Variants in FBXL13 observed in about 807,000 individuals in gnomAD.
FBXL13 encodes the protein F-box and leucine rich repeat protein 13, also known as F-box and leucine-rich repeat protein 13.
Under a neutral mutation model 83.6 loss-of-function variants are expected in FBXL13, and 67 were observed. The observed-to-expected ratio is 0.80, with a 90% CI of 0.66 to 0.98. The LOEUF is 0.98. Among genes scored for constraint, FBXL13 ranks in the 50% least tolerant of loss-of-function variants. The pLI, the probability that FBXL13 is intolerant of heterozygous loss-of-function variation, is 0.00. For synonymous variants in FBXL13, 272 were observed against 299.5 expected (o/e 0.91, Z 0.95); for missense variants, 822 against 866.5 (o/e 0.95, Z 0.64).
At chr7:102,960,737 A>G (rs898510310) in intron 8 of FBXL13, among the ~76,000 whole-genome samples, 5 of 151,628 alleles carry the variant, frequency 3.3e-5, no homozygotes, top group Non-Finnish European at 5.9e-5. Flanking sequence ...CAAAAACCAC[A>G]TGATTATCTC....
intron 10 of FBXL13, among the ~76,000 whole-genome samples, chr7:102,914,800 C>A (rs915864385): frequency 1.3e-5 from 2 of 152,204 alleles, no homozygotes; most frequent in Admixed American, 1.3e-4. Flanking sequence ...GACACGCCCC[C>A]TCTCTTGGGG....
chr7:103,073,672 A>C (rs1184610933), intron 1 of FBXL13, among the ~76,000 whole-genome samples: 1 of 152,186 alleles, frequency 6.6e-6, no homozygotes, highest in African/African-American at 2.4e-5. Context: ...GTATTTCTCT[A>C]AAGTAGATCC....
intron 2 of FBXL13, among the ~76,000 whole-genome samples, chr7:103,046,631 A>T (rs1339281153): frequency 1.3e-5 from 2 of 152,192 alleles, no homozygotes; most frequent in African/African-American, 4.8e-5. Context: ...ATACCCTATA[A>T]GTGCACATAA....
chr7:103,058,357 G>C (rs564576173), intron 1 of FBXL13, among the ~76,000 whole-genome samples: 17 of 152,218 alleles, frequency 1.1e-4, no homozygotes. Context: ...TTGCACAGGA[G>C]ATTAGTGGTC....
intron 2 of FBXL13, among the ~76,000 whole-genome samples, chr7:103,052,561 T>G (rs1035929851): frequency 6.6e-6 from 1 of 152,224 alleles, no homozygotes; most frequent in Non-Finnish European, 1.5e-5. Flanking sequence ...CACATTTTCA[T>G]GTCTAACCTT....
chr7:102,903,445 A>G (rs1246754925), intron 11 of FBXL13, among the ~76,000 whole-genome samples: 2 of 152,134 alleles, frequency 1.3e-5, no homozygotes, highest in Non-Finnish European at 2.9e-5. Context: ...GACTTTCAGT[A>G]CTATGTTGAA....
At chr7:102,955,554 A>T (rs1824114354) in intron 8 of FBXL13, among the ~76,000 whole-genome samples, 1 of 151,930 alleles carries the variant, frequency 6.6e-6, no homozygotes, top group Non-Finnish European at 1.5e-5. Context: ...ACTGAAAGAG[A>T]TAGAGACACA....
intron 6 of FBXL13, among the ~76,000 whole-genome samples, chr7:103,023,000 G>C (rs1408315822): frequency 6.6e-6 from 1 of 152,200 alleles, no homozygotes; most frequent in Non-Finnish European, 1.5e-5. Flanking sequence ...CCATTAGCCA[G>C]GCACGGTGGC....
At chr7:103,032,475 T>G (rs780090658) in intron 2 of FBXL13, among the ~76,000 whole-genome samples, 44 of 152,196 alleles carry the variant, frequency 2.9e-4, no homozygotes, top group Non-Finnish European at 4.9e-4. Flanking sequence ...TTAATATCAT[T>G]GTACCCATGC....
At chr7:102,908,961 AGGCCTGTGT>A (rs1814204211) in intron 11 of FBXL13, among the ~76,000 whole-genome samples, 1 of 152,238 alleles carries the variant, frequency 6.6e-6, no homozygotes, top group Admixed American at 6.5e-5. Flanking sequence ...AAGGCCAGCC[AGGCCTGTGT>A]CCTCCTCTTC....
At chr7:102,866,698 A>G (rs1198656936) in intron 16 of FBXL13, among the ~76,000 whole-genome samples, 3 of 152,152 alleles carry the variant, frequency 2.0e-5, no homozygotes, top group Non-Finnish European at 4.4e-5. Flanking sequence ...AGATTAAGAC[A>G]CGCAGCTGTA....
intron 16 of FBXL13, among the ~76,000 whole-genome samples, chr7:102,864,535 A>G (rs189587064): frequency 1.3e-5 from 2 of 152,096 alleles, no homozygotes; most frequent in Non-Finnish European, 2.9e-5. Context: ...TGCCCAGCTA[A>G]TTTTTGTATT....
chr7:102,850,646 A>G (rs1805061479), intron 17 of FBXL13, among the ~76,000 whole-genome samples: 1 of 152,176 alleles, frequency 6.6e-6, no homozygotes, highest in South Asian at 2.1e-4. Context: ...GAATCTTTCA[A>G]CTTTTTGTCT....
intron 16 of FBXL13, among the ~76,000 whole-genome samples, chr7:102,859,286 GA>G (rs1806476530): frequency 6.6e-6 from 1 of 152,170 alleles, no homozygotes; most frequent in Non-Finnish European, 1.5e-5. Flanking sequence ...CGAGCCGGCA[GA>G]GATGAGGCCT....
At chr7:102,813,665 T>C in intron 19 of FBXL13, 134 bp from the exon 21 acceptor site, 7 of 855,612 alleles carry the variant, frequency 8.2e-6, no homozygotes, top group Non-Finnish European at 1.1e-5. Flanking sequence ...CTTGCCTTGC[T>C]GAGAGTGAGG....
chr7:102,988,092 G>C (rs570271853), intron 6 of FBXL13: 2 of 152,300 alleles, frequency 1.3e-5, no homozygotes, highest in East Asian at 1.9e-4. Flanking sequence ...CAAACACCAT[G>C]ATACAAGAAG....
intron 1 of FBXL13, among the ~76,000 whole-genome samples, chr7:103,057,852 C>T (rs1408192864): frequency 6.6e-6 from 1 of 152,214 alleles, no homozygotes; most frequent in Non-Finnish European, 1.5e-5. Context: ...ATCGGCATTT[C>T]TCTTTCCCTT....
At chr7:103,033,464 C>T (rs1023594434) in intron 2 of FBXL13, among the ~76,000 whole-genome samples, 8 of 152,310 alleles carry the variant, frequency 5.3e-5, no homozygotes, top group South Asian at 2.1e-4. Flanking sequence ...TTCTTAAAGG[C>T]GGCGTGTCTG....
At chr7:103,024,896 T>C (rs1793724408) in intron 6 of FBXL13, among the ~76,000 whole-genome samples, 167 bp downstream of exon 7, 1 of 141,358 alleles carries the variant, frequency 7.1e-6, no homozygotes, top group African/African-American at 2.7e-5. Flanking sequence ...GTTTTGCTAT[T>C]GTCGCCCAGG....
Sources: gnomAD v4.1 joint callset for allele counts (sites outside exome capture counted in the v4.1 genomes callset) on GRCh38, gnomAD v4.1.1 for gene constraint, MANE v1.5 for transcripts, NCBI Gene and HGNC (gene_info 2026-07-23, HGNC 2026-07-21) for gene names.